Variants in ACOXL observed in about 807,000 individuals in gnomAD.
ACOXL encodes the protein acyl-coenzyme A oxidase-like protein.
In ACOXL, 70 loss-of-function variants were observed where a neutral mutation model predicts 71.9. The observed-to-expected ratio is 0.97, with a 90% CI of 0.80 to 1.19. The LOEUF is 1.19. Among genes scored for constraint, ACOXL ranks in the 50% most tolerant of loss-of-function variants. The pLI is 0.00. For missense variants in ACOXL, 703 were observed against 736.3 expected, an observed-to-expected ratio of 0.95 and a Z score of 0.52; for synonymous variants, 253 against 281.6, an observed-to-expected ratio of 0.90 and a Z score of 1.02.
At chr2:110,768,513 T>TGTGTGTGTGAGAGAGAGAGA (rs397975396) in intron 2 of ACOXL, 49 bp downstream of exon 2, 8 of 929,762 alleles carry the variant, frequency 8.6e-6, no homozygotes, top group South Asian at 6.9e-5. Context: ...TGTGTGTGTG[T>TGTGTGTGTGAGAGAGAGAGA]GAGAGAGAGA....
At chr2:111,002,953 T>C (rs1407759178) in intron 14 of ACOXL, among the ~76,000 whole-genome samples, 1 of 152,202 alleles carries the variant, frequency 6.6e-6, no homozygotes, top group African/African-American at 2.4e-5. Flanking sequence ...CTGAAGCATT[T>C]CAGATTTCAT....
intron 13 of ACOXL, among the ~76,000 whole-genome samples, chr2:110,994,577 C>T (rs1466149147): frequency 6.6e-6 from 1 of 152,000 alleles, no homozygotes; most frequent in East Asian, 1.9e-4. Flanking sequence ...TAACCCTTCC[C>T]CTGGTTGTCT....
At chr2:110,923,465 A>T (rs1403615811) in intron 11 of ACOXL, among the ~76,000 whole-genome samples, 1 of 152,166 alleles carries the variant, frequency 6.6e-6, no homozygotes, top group Non-Finnish European at 1.5e-5. Flanking sequence ...TATTCAATAC[A>T]TTTGATCCTA....
At chr2:110,961,243 C>T (rs186549148) in intron 12 of ACOXL, among the ~76,000 whole-genome samples, 218 of 152,330 alleles carry the variant, frequency 1.4e-3, no homozygotes, top group Admixed American at 7.6e-3. Context: ...GAATCAACAT[C>T]CAGTTTCACT....
At chr2:111,051,749 C>T (rs2066298509) in intron 16 of ACOXL, among the ~76,000 whole-genome samples, 1 of 152,224 alleles carries the variant, frequency 6.6e-6, no homozygotes, top group Non-Finnish European at 1.5e-5. Flanking sequence ...GGATTACAGA[C>T]ATACGCCACT....
At chr2:111,101,572 T>C (rs1037239559) in intron 17 of ACOXL, among the ~76,000 whole-genome samples, 1 of 152,034 alleles carries the variant, frequency 6.6e-6, no homozygotes, top group Admixed American at 6.5e-5. Context: ...AAAGCATTCA[T>C]TGGAGTGGGG....
chr2:111,031,699 GCA>G lies in ACOXL; in HGVS notation c.1360_1361del (p.Thr454SerfsTer17). 2 of 1,614,084 alleles carry G rather than the reference GCA, an allele frequency of 1.2e-6. No homozygotes were observed. Among genetic ancestry groups the G allele is most frequent in the South Asian group, 2.2e-5 (2 of 91,068 alleles). On this transcript the variant is annotated frameshift_variant, in exon 15 of 18. Transcript: ENST00000439055. LOFTEE classifies it high-confidence loss of function. The stretch of plus-strand genomic sequence containing the variant: ...GCACCACGTGGCTTCTCTGTCCCTG[GCA>G]CACACTCACCGAGGTCAGTTGGCTC... The part of the protein sequence containing the change: ...CLHHVASLSL[A>X]HTHRVTLEQF...
At chr2:110,744,131 AAGAG>A (rs1677888146) in intron 1 of ACOXL, among the ~76,000 whole-genome samples, 2 of 152,152 alleles carry the variant, frequency 1.3e-5, no homozygotes, top group Admixed American at 6.5e-5. Context: ...GAGAGAGAGA[AAGAG>A]AGAGAGAAGA....
chr2:110,923,536 A>G (rs2060157815), intron 11 of ACOXL, among the ~76,000 whole-genome samples: 1 of 152,176 alleles, frequency 6.6e-6, no homozygotes. Context: ...GTGAGCAGGA[A>G]ATGGACAGTT....
At position 110,775,554 on chromosome 2, in the gene ACOXL, A is replaced by C. The variant is rs555216302; in HGVS notation, c.75+7090A>C. Reference sequence around the variant, plus strand: ...ACTCCTACAACTCAACAAGAAAAAAACCAAACAACTAGATTAAAAAATGGT... The same window carrying C: ...ACTCCTACAACTCAACAAGAAAAAACCCAAACAACTAGATTAAAAAATGGT... On this transcript the variant is annotated intron_variant, in intron 2 of 17. Coordinates refer to ENST00000439055, the MANE Select transcript of ACOXL (RefSeq NM_001142807.4). Among the ~76,000 whole-genome samples the C allele has an allele frequency of 1.7e-3, 266 of 152,320 alleles. 1 individual carries two copies. The highest frequency in any genetic ancestry group is 6.0e-3 in the African/African-American group (250 of 41,582).
At chr2:110,801,843 G>A (rs552154280) in intron 8 of ACOXL, 119 bp downstream of exon 8, 169 of 766,350 alleles carry the variant, frequency 2.2e-4, no homozygotes, top group African/African-American at 8.7e-5. Flanking sequence ...CTAACCACCC[G>A]TACAGGTTTG....
chr2:110,785,370 T>TTGTGTGTG lies in ACOXL; in HGVS notation c.159+578_159+585dup, dbSNP rs34917698. ...TTCACGAGTTTTTACATGCACTCAG[T>TTGTGTGTG]TGTGTGTGTGTGTGTGTGTGTGTGT... is the stretch of plus-strand genomic sequence containing the variant. On this transcript the variant is annotated intron_variant, in intron 3 of 17. Coordinates refer to ENST00000439055, the MANE Select transcript of ACOXL (RefSeq NM_001142807.4). Among the ~76,000 whole-genome samples, 724 of 145,664 alleles carry TTGTGTGTG rather than the reference T, an allele frequency of 5.0e-3. 9 individuals are homozygous for TTGTGTGTG. Among genetic ancestry groups the TTGTGTGTG allele is most frequent in the African/African-American group, 0.018 (698 of 39,350 alleles).
chr2:110,830,331 T>C (rs952352824), intron 9 of ACOXL, among the ~76,000 whole-genome samples: 1 of 152,196 alleles, frequency 6.6e-6, no homozygotes, highest in Non-Finnish European at 1.5e-5. Context: ...TCAACACATA[T>C]TGTACGCATC....
intron 10 of ACOXL, among the ~76,000 whole-genome samples, chr2:110,866,706 G>C (rs911677887): frequency 1.3e-5 from 2 of 152,046 alleles, no homozygotes; most frequent in Non-Finnish European, 2.9e-5. Flanking sequence ...GGCACCCCCA[G>C]GTCCCTTTGT....
chr2:110,893,092 C>T (rs1415493672), intron 10 of ACOXL, among the ~76,000 whole-genome samples: 1 of 152,088 alleles, frequency 6.6e-6, no homozygotes, highest in Non-Finnish European at 1.5e-5. Flanking sequence ...AAAAATGCTT[C>T]TAATAGGAAA....
chr2:111,054,451 G>A (rs1383053629), intron 16 of ACOXL, among the ~76,000 whole-genome samples: 1 of 152,176 alleles, frequency 6.6e-6, no homozygotes, highest in Non-Finnish European at 1.5e-5. Context: ...GGCCCATCAG[G>A]GTCGGTGGGT....
intron 8 of ACOXL, among the ~76,000 whole-genome samples, chr2:110,804,087 A>G (rs1364692752): frequency 6.6e-6 from 1 of 151,348 alleles, no homozygotes; most frequent in Non-Finnish European, 1.5e-5. Flanking sequence ...CCTGGGTTCA[A>G]GTGATTCTTT....
intron 16 of ACOXL, among the ~76,000 whole-genome samples, chr2:111,068,308 G>C (rs1306144877): frequency 6.6e-6 from 1 of 152,220 alleles, no homozygotes; most frequent in South Asian, 2.1e-4. Flanking sequence ...GAGCACGGGG[G>C]CGTGACCTGG....
At chr2:110,948,122 GA>G (rs1212710011) in intron 12 of ACOXL, among the ~76,000 whole-genome samples, 1 of 152,110 alleles carries the variant, frequency 6.6e-6, no homozygotes, top group Non-Finnish European at 1.5e-5. Flanking sequence ...AAAGCAGGGT[GA>G]AAAAAATATC....
Sources: gnomAD v4.1 joint callset for allele counts (sites outside exome capture counted in the v4.1 genomes callset) on GRCh38, gnomAD v4.1.1 for gene constraint, MANE v1.5 for transcripts, NCBI Gene and HGNC (gene_info 2026-07-23, HGNC 2026-07-21) for gene names.